Variants in TNS3 observed in about 807,000 individuals in gnomAD.
The protein encoded by TNS3 is tensin-3.
A neutral mutation model predicts 140.9 loss-of-function variants in TNS3; 45 were observed. The ratio of observed to expected loss-of-function variants is 0.32; its 90% CI spans 0.25 to 0.41. TNS3 has a LOEUF of 0.41. Ranked by LOEUF, TNS3 falls within the 10% of genes least tolerant of loss-of-function variation. The pLI, the probability that TNS3 is intolerant of heterozygous loss-of-function variation, is 1.00. For missense variants in TNS3, 1,716 were observed against 1,906.7 expected (o/e 0.90, Z 1.86); for synonymous variants, 815 against 788.4 (o/e 1.03, Z -0.56).
chr7:47,546,640 TA>T (rs34208745), intron 1 of TNS3, among the ~76,000 whole-genome samples: 12,071 of 149,974 alleles, frequency 0.08, 1,595 homozygotes, highest in African/African-American at 0.28. Flanking sequence ...CCTCCTTATT[TA>T]AAAAAAAAAG....
Position 47,400,514 on chromosome 7 carries a change from T to C in TNS3, c.854-56A>G, listed in dbSNP as rs773417770. On this transcript the variant is annotated intron_variant, in intron 14 of 30. Coordinates refer to ENST00000311160, the MANE Select transcript of TNS3 (RefSeq NM_022748.12). ...GTGGAGACAATTAACCGGAAAAGTA[T>C]GGACTGACTTTGTCCTTTATTCCAA... The C allele has an allele frequency of 1.7e-5, 26 of 1,565,114 alleles. No individual in the cohort carries two copies. In the East Asian group the frequency reaches 1.8e-4, roughly 11 times the overall value.
chr7:47,316,094 TTCTCTCTCTCTCTCTCTCTCTCTC>T (rs56939479), intron 20 of TNS3, among the ~76,000 whole-genome samples: 50 of 105,874 alleles, frequency 4.7e-4, no homozygotes, highest in African/African-American at 1.1e-3. Context: ...AACTAACTAT[TTCTCTCTCTCTCTCTCTCTCTCTC>T]TCTCTCTCTC....
intron 4 of TNS3, among the ~76,000 whole-genome samples, chr7:47,470,851 T>C (rs1248132548): frequency 6.6e-6 from 1 of 152,132 alleles, no homozygotes; most frequent in Non-Finnish European, 1.5e-5. Context: ...GGACAATAGC[T>C]TCAGGAACAG....
At chr7:47,448,476 A>ATTTTTTT (rs71003401) in intron 4 of TNS3, among the ~76,000 whole-genome samples, 1 of 129,666 alleles carries the variant, frequency 7.7e-6, no homozygotes, top group African/African-American at 3.1e-5. Context: ...TGGGAATTCG[A>ATTTTTTT]TTTTTTTTTT....
At chr7:47,317,420 C>T (rs922754495) in intron 20 of TNS3, among the ~76,000 whole-genome samples, 2 of 152,174 alleles carry the variant, frequency 1.3e-5, no homozygotes, top group Non-Finnish European at 2.9e-5. Context: ...TTGAAGATGT[C>T]CCATTTATAT....
At chr7:47,530,484 T>C (rs1471062511) in intron 1 of TNS3, among the ~76,000 whole-genome samples, 2 of 151,758 alleles carry the variant, frequency 1.3e-5, no homozygotes, top group Admixed American at 6.6e-5. Context: ...GCTGAAACTT[T>C]TTCAAACCAG....
intron 16 of TNS3, among the ~76,000 whole-genome samples, chr7:47,386,357 A>G (rs1018714889): frequency 2.6e-5 from 4 of 152,220 alleles, no homozygotes; most frequent in African/African-American, 7.2e-5. Flanking sequence ...CTGTTTTCCC[A>G]GCTCCTGGGG....
chr7:47,556,638 G>A lies in TNS3; in HGVS notation c.-265+25413C>T, dbSNP rs767527602. On this transcript the variant is annotated intron_variant, in intron 1 of 30. Transcript: ENST00000311160. ...TGACTTCCTCCCAACAAGTTCCTCC[G>A]GTCAGTGGGTACATCTGAGTCACAC... Among the ~76,000 whole-genome samples the A allele has an allele frequency of 5.9e-5, 9 of 152,290 alleles. No homozygotes were observed. The East Asian group carries it at 1.5e-3, about 26-fold the overall frequency.
At chr7:47,292,434 TA>T (rs1349622479) in intron 26 of TNS3, among the ~76,000 whole-genome samples, 1 of 152,178 alleles carries the variant, frequency 6.6e-6, no homozygotes, top group East Asian at 1.9e-4. Context: ...TTAACAAACA[TA>T]AAAGTAAAAA....
rs1400317759 is a variant in TNS3 at position 47,442,023 on chromosome 7, G to C, written c.-43C>G. 2.3e-6 allele frequency: 3 copies of C among 1,289,692 alleles called. No homozygotes were observed. The highest frequency in any genetic ancestry group is 1.1e-4 in the East Asian group (2 of 18,016). 79.9% of individuals were successfully genotyped at this position (1,289,692 alleles called of 1,614,324 possible). ...CTCACCGCAGAGGTTTATCACGGCA[G>C]AGAGAACTGGACAGCGTGGAACTCC... On this transcript the variant is annotated 5_prime_UTR_variant, in exon 5 of 31. Transcript: ENST00000311160.
chr7:47,389,271 T>G (rs1459738982), intron 16 of TNS3, among the ~76,000 whole-genome samples: 2 of 152,142 alleles, frequency 1.3e-5, no homozygotes, highest in East Asian at 1.9e-4. Flanking sequence ...CCCGTCTGCA[T>G]GCACAGGACA....
intron 2 of TNS3, among the ~76,000 whole-genome samples, chr7:47,515,207 A>G (rs1798740604): frequency 6.6e-6 from 1 of 152,226 alleles, no homozygotes; most frequent in East Asian, 1.9e-4. Flanking sequence ...TTTGCATTTA[A>G]CTAGGAGGTT....
intron 4 of TNS3, among the ~76,000 whole-genome samples, chr7:47,468,765 A>G (rs1163271204): frequency 6.6e-6 from 1 of 152,256 alleles, no homozygotes. Flanking sequence ...GGAACCAAAA[A>G]AGAGCCAAAA....
intron 2 of TNS3, among the ~76,000 whole-genome samples, chr7:47,509,454 C>G (rs1022292175): frequency 2.0e-5 from 3 of 152,130 alleles, no homozygotes; most frequent in Non-Finnish European, 4.4e-5. Context: ...AGGCAGTGTA[C>G]AAGATACTTT....
intron 1 of TNS3, among the ~76,000 whole-genome samples, chr7:47,534,598 T>A (rs1449271605): frequency 6.6e-6 from 1 of 152,082 alleles, no homozygotes; most frequent in Non-Finnish European, 1.5e-5. Flanking sequence ...CCCAGCTCCA[T>A]CCCGTGATTC....
chr7:47,446,242 G>T (rs1704976), intron 4 of TNS3, among the ~76,000 whole-genome samples: 48,272 of 151,904 alleles, frequency 0.32, 7,799 homozygotes, highest in Non-Finnish European at 0.35. Flanking sequence ...CTCCCAAGTA[G>T]CTGGGACTAC....
chr7:47,469,973 CAAAAAAAAAAA>C (rs144012426), intron 4 of TNS3, among the ~76,000 whole-genome samples: 4 of 64,880 alleles, frequency 6.2e-5, no homozygotes, highest in Admixed American at 4.0e-4. Flanking sequence ...AACTCTGTCT[CAAAAAAAAAAA>C]AAAAAAAAAA....
At chr7:47,399,231 A>C in intron 15 of TNS3, among the ~76,000 whole-genome samples, 1 of 152,094 alleles carries the variant, frequency 6.6e-6, no homozygotes, top group Non-Finnish European at 1.5e-5. Flanking sequence ...GAATCAATAT[A>C]CTGAAAACAA....
intron 20 of TNS3, among the ~76,000 whole-genome samples, chr7:47,333,156 C>T (rs1164677995): frequency 6.6e-6 from 1 of 151,982 alleles, no homozygotes; most frequent in East Asian, 1.9e-4. Context: ...GTTCTCATCT[C>T]AAAAGACCCC....
Sources: gnomAD v4.1 joint callset for allele counts (sites outside exome capture counted in the v4.1 genomes callset) on GRCh38, gnomAD v4.1.1 for gene constraint, MANE v1.5 for transcripts, NCBI Gene and HGNC (gene_info 2026-07-23, HGNC 2026-07-21) for gene names.